LRFN2: variants seen among roughly 807,000 people sequenced by gnomAD.
LRFN2 encodes leucine-rich repeat and fibronectin type-III domain-containing protein 2.
Under a neutral mutation model 37.3 loss-of-function variants are expected in LRFN2, and 18 were observed. The ratio of observed to expected loss-of-function variants is 0.48; its 90% CI spans 0.33 to 0.72. The LOEUF (loss-of-function observed/expected upper bound fraction) is 0.72, where lower values mean the gene tolerates loss of function less well. Ranked by LOEUF, LRFN2 falls within the 30% of genes least tolerant of loss-of-function variation. LRFN2 has a pLI of 0.02. For synonymous variants in LRFN2, 556 were observed against 466.6 expected (o/e 1.19, Z -2.47); for missense variants, 1,006 against 1,060.7 (o/e 0.95, Z 0.72).
At chr6:40,565,159 C>T (rs1480460695) in intron 1 of LRFN2, among the ~76,000 whole-genome samples, 1 of 152,150 alleles carries the variant, frequency 6.6e-6, no homozygotes, top group African/African-American at 2.4e-5. Flanking sequence ...AAATCGCTAA[C>T]ATTAATCCAA....
intron 2 of LRFN2, among the ~76,000 whole-genome samples, chr6:40,425,055 GAGC>G (rs1355696109): frequency 2.1e-4 from 32 of 152,350 alleles, no homozygotes; most frequent in African/African-American, 7.5e-4. Context: ...ATAGGAGACA[GAGC>G]AGCAGTAAAA....
At chr6:40,548,643 T>A (rs751715172) in intron 1 of LRFN2, among the ~76,000 whole-genome samples, 1 of 152,120 alleles carries the variant, frequency 6.6e-6, no homozygotes, top group East Asian at 1.9e-4. Flanking sequence ...CTCCAACCAA[T>A]GCATTTTAAT....
chr6:40,447,041 C>T (rs1763987310), intron 1 of LRFN2, among the ~76,000 whole-genome samples: 1 of 151,424 alleles, frequency 6.6e-6, no homozygotes. Flanking sequence ...GACTGGGGCT[C>T]CCTGAGGATG....
At chr6:40,399,675 C>T (rs900566376) in intron 2 of LRFN2, among the ~76,000 whole-genome samples, 1 of 151,514 alleles carries the variant, frequency 6.6e-6, no homozygotes, top group Non-Finnish European at 1.5e-5. Flanking sequence ...TGAGCTCAGA[C>T]CATCCGCCCG....
intron 1 of LRFN2, among the ~76,000 whole-genome samples, chr6:40,483,273 C>T (rs572297691): frequency 2.6e-5 from 4 of 152,372 alleles, no homozygotes; most frequent in African/African-American, 9.6e-5. Flanking sequence ...TTTCCATCCT[C>T]CCTTCTACCA....
intron 1 of LRFN2, among the ~76,000 whole-genome samples, chr6:40,539,186 G>T (rs955417472): frequency 6.6e-6 from 1 of 152,142 alleles, no homozygotes; most frequent in Non-Finnish European, 1.5e-5. Context: ...ACCTCAGAGG[G>T]CAGAGGCTAA....
chr6:40,473,645 C>T (rs745546004), intron 1 of LRFN2, among the ~76,000 whole-genome samples: 1 of 152,148 alleles, frequency 6.6e-6, no homozygotes, highest in Admixed American at 6.5e-5. Flanking sequence ...TATACATGTG[C>T]CATGGTGGTT....
intron 2 of LRFN2, among the ~76,000 whole-genome samples, chr6:40,431,321 G>A (rs528563879): frequency 1.1e-4 from 16 of 152,252 alleles, no homozygotes; most frequent in Middle Eastern, 6.8e-3. Flanking sequence ...ATGAGTCCAG[G>A]TGAAGGTCAA....
chr6:40,424,982 T>C (rs759278697), intron 2 of LRFN2, among the ~76,000 whole-genome samples: 1 of 152,190 alleles, frequency 6.6e-6, no homozygotes, highest in Non-Finnish European at 1.5e-5. Flanking sequence ...CACTGAGGTG[T>C]GGAGTGGTAA....
chr6:40,520,526 A>G (rs1285173503), intron 1 of LRFN2, among the ~76,000 whole-genome samples: 3 of 152,192 alleles, frequency 2.0e-5, no homozygotes, highest in African/African-American at 7.2e-5. Flanking sequence ...CCATCCAGCC[A>G]TCTGTCCAGC....
At chr6:40,542,323 C>T (rs1290613030) in intron 1 of LRFN2, among the ~76,000 whole-genome samples, 2 of 151,878 alleles carry the variant, frequency 1.3e-5, no homozygotes, top group Non-Finnish European at 2.9e-5. Context: ...GGAGAGGTGG[C>T]GGTGGCAGCA....
At chr6:40,487,146 A>G (rs1006694970) in intron 1 of LRFN2, among the ~76,000 whole-genome samples, 7 of 152,220 alleles carry the variant, frequency 4.6e-5, no homozygotes, top group African/African-American at 1.7e-4. Context: ...CAGCCATGCC[A>G]GGGATTAATT....
rs144468505 is a variant in LRFN2, at chr6:40,537,046, C to G, written c.-19+49895G>C. Among the ~76,000 whole-genome samples the G allele has an allele frequency of 2.7e-3, 414 of 152,270 alleles. 4 individuals carry two copies. Among genetic ancestry groups the G allele is most frequent in the African/African-American group, 9.3e-3 (388 of 41,562 alleles). On this transcript the variant is annotated intron_variant, in intron 1 of 2. Transcript: ENST00000338305. ...GGCACGGAGGGTTGACATACCCTGC[C>G]AAAGGTTATGGAGCTAGTACACGGC...
At chr6:40,487,172 C>T (rs1177741291) in intron 1 of LRFN2, among the ~76,000 whole-genome samples, 3 of 152,188 alleles carry the variant, frequency 2.0e-5, no homozygotes, top group Non-Finnish European at 4.4e-5. Context: ...TCCCCTTCCT[C>T]TCAGGCCTGT....
intron 1 of LRFN2, among the ~76,000 whole-genome samples, chr6:40,498,659 G>T (rs1352960512): frequency 6.6e-6 from 1 of 152,176 alleles, no homozygotes; most frequent in Non-Finnish European, 1.5e-5. Context: ...AGCCCACTCT[G>T]CGACACCCAC....
intron 1 of LRFN2, among the ~76,000 whole-genome samples, chr6:40,558,724 T>G (rs1766936983): frequency 6.6e-6 from 1 of 152,258 alleles, no homozygotes; most frequent in Admixed American, 6.5e-5. Context: ...GCTCCTACTC[T>G]GCTTTTGCAA....
At chr6:40,454,367 G>A (rs1371143744) in intron 1 of LRFN2, among the ~76,000 whole-genome samples, 1 of 152,154 alleles carries the variant, frequency 6.6e-6, no homozygotes, top group Non-Finnish European at 1.5e-5. Flanking sequence ...GGTGTCATGG[G>A]TGGTAAAATT....
intron 1 of LRFN2, among the ~76,000 whole-genome samples, chr6:40,487,067 G>A (rs935059904): frequency 2.0e-5 from 3 of 152,112 alleles, no homozygotes; most frequent in Non-Finnish European, 4.4e-5. Context: ...GATTCAATCT[G>A]TGTTCTTTCT....
In LRFN2 at chr6:40,443,691, A is replaced by G. The variant is rs796228269; in HGVS notation, c.-18-10560T>C. 4.1e-4 allele frequency among the ~76,000 whole-genome samples: 62 copies of G among 152,240 alleles called. 1 individual carries two copies. The highest frequency in any genetic ancestry group is 3.4e-3 in the Middle Eastern group (1 of 294). Reference sequence around the variant, plus strand: ...AGACACATTATCAGTCAGGGGCTTGAGAGGAAACAGATGAGAGAATCCAAG... The same window carrying G: ...AGACACATTATCAGTCAGGGGCTTGGGAGGAAACAGATGAGAGAATCCAAG... On this transcript the variant is annotated intron_variant, in intron 1 of 2. Transcript: ENST00000338305.
Sources: allele counts gnomAD v4.1 joint callset (sites outside exome capture counted in the v4.1 genomes callset), GRCh38; gene constraint gnomAD v4.1.1; transcripts MANE v1.5; gene names NCBI Gene and HGNC (gene_info 2026-07-23, HGNC 2026-07-21).